The following CGNL1 variants were observed in gnomAD, a reference collection of about 807,000 sequenced individuals.
CGNL1 encodes cingulin like 1, also known as cingulin-like protein 1.
Under a neutral mutation model 141.2 loss-of-function variants are expected in CGNL1, and 132 were observed. The observed-to-expected ratio is 0.93, with a 90% CI of 0.81 to 1.08. The LOEUF (loss-of-function observed/expected upper bound fraction) is 1.08, where lower values mean the gene tolerates loss of function less well. Among genes scored for constraint, CGNL1 ranks in the 50% least tolerant of loss-of-function variants. CGNL1 has a pLI of 0.00. For synonymous variants in CGNL1, 690 were observed against 622.1 expected (o/e 1.11, Z -1.63); for missense variants, 1,870 against 1,588.6 (o/e 1.18, Z -3.01).
At chr15:57,423,066 C>T (rs2062933918) in intron 1 of CGNL1, among the ~76,000 whole-genome samples, 1 of 152,066 alleles carries the variant, frequency 6.6e-6, no homozygotes, top group South Asian at 2.1e-4. Context: ...CTCTTTTTGT[C>T]TGGTTTGGAT....
At chr15:57,523,743 C>G (rs2031427294) in intron 11 of CGNL1, 102 bp downstream of exon 11, 3 of 1,270,076 alleles carry the variant, frequency 2.4e-6, no homozygotes, top group East Asian at 2.3e-5. Context: ...TGCAGTAGGT[C>G]TAAGCACAAA....
intron 1 of CGNL1, among the ~76,000 whole-genome samples, chr15:57,378,981 C>T (rs1459676255): frequency 6.6e-6 from 1 of 152,106 alleles, no homozygotes; most frequent in African/African-American, 2.4e-5. Context: ...TACAGGGTGT[C>T]CCCTGACCCG....
chr15:57,516,927 C>T lies in CGNL1; in HGVS notation c.2551C>T (p.Gln851Ter). 2 of 1,613,576 alleles carry T rather than the reference C, an allele frequency of 1.2e-6. No individual in the cohort carries two copies. The highest frequency in any genetic ancestry group is 1.7e-6 in the Non-Finnish European group (2 of 1,180,010). Residue 851 changes from glutamine (Q) to a stop codon, truncating the protein, a stop_gained, in exon 9 of 19, where the codon CAG becomes TAG. Coordinates refer to ENST00000281282, the MANE Select transcript of CGNL1 (RefSeq NM_032866.5). LOFTEE classifies it high-confidence loss of function. ...LERRVAQLQR[Q>*]IEDLKGDEAK... ...GCGGAGAGTTGCTCAGCTTCAAAGG[C>T]AGATCGAGGACCTGAAAGGCGATGA...
chr15:57,518,428 C>T lies in CGNL1; in HGVS notation c.2646C>T (p.His882=), dbSNP rs35513296. Residue 882 remains histidine, a synonymous_variant, in exon 10 of 19, where the codon CAC becomes CAT. Transcript: ENST00000281282. ...GACAGTTAGAGGAGGCCCTTGTGCA[C>T]GCCAGAAAGGAAGAAAAAGAAGCTG... The part of the protein sequence containing the change: ...EIRQLEEALV[H]ARKEEKEAVS... The T allele has an allele frequency of 8.4e-4, 1,357 of 1,613,234 alleles. 3 individuals are homozygous for T. Among genetic ancestry groups the T allele is most frequent in the African/African-American group, 2.2e-3 (164 of 74,982 alleles).
At position 57,461,898 on chromosome 15, in the gene CGNL1, G is replaced by A; in HGVS notation, c.2403+6G>A. The A allele has an allele frequency of 3.7e-6, 6 of 1,610,400 alleles. No homozygotes were observed. In the South Asian group the frequency reaches 6.6e-5, roughly 18 times the overall value. On this transcript the variant is annotated splice_donor_region_variant and intron_variant, in intron 8 of 18. Coordinates refer to ENST00000281282, the MANE Select transcript of CGNL1 (RefSeq NM_032866.5). ...GTGTGGAAGAAGCAACCAAGGTGAG[G>A]GATGGGGCAGGAGAATCTGGCTTGT...
At chr15:57,494,531 T>C (rs576074446) in intron 8 of CGNL1, among the ~76,000 whole-genome samples, 4 of 152,170 alleles carry the variant, frequency 2.6e-5, no homozygotes, top group East Asian at 3.9e-4. Context: ...GATTAAGCCA[T>C]TAAAAATAGA....
chr15:57,433,404 A>C (rs1237592434), intron 1 of CGNL1, among the ~76,000 whole-genome samples: 1 of 152,208 alleles, frequency 6.6e-6, no homozygotes, highest in Non-Finnish European at 1.5e-5. Context: ...AAAATGTTTA[A>C]ACCTGCAAGA....
At chr15:57,389,041 T>C (rs1416406869) in intron 1 of CGNL1, among the ~76,000 whole-genome samples, 1 of 152,166 alleles carries the variant, frequency 6.6e-6, no homozygotes, top group Non-Finnish European at 1.5e-5. Context: ...TTTTTTCTTT[T>C]TAAATTTAAA....
chr15:57,510,329 C>T (rs1175627490), intron 8 of CGNL1, among the ~76,000 whole-genome samples: 1 of 152,228 alleles, frequency 6.6e-6, no homozygotes, highest in Admixed American at 6.5e-5. Flanking sequence ...TCTGTGAGGC[C>T]AGGTCCAGTG....
intron 1 of CGNL1, among the ~76,000 whole-genome samples, chr15:57,398,032 C>A (rs112322950): frequency 6.6e-6 from 1 of 152,160 alleles, no homozygotes; most frequent in African/African-American, 2.4e-5. Flanking sequence ...GCGCCTGCCT[C>A]AGCTTCCCAA....
chr15:57,507,575 G>T (rs1157780718), intron 8 of CGNL1, among the ~76,000 whole-genome samples: 1 of 152,142 alleles, frequency 6.6e-6, no homozygotes, highest in Admixed American at 6.5e-5. Flanking sequence ...CTATAAGCAA[G>T]AAAATTGCCA....
intron 8 of CGNL1, among the ~76,000 whole-genome samples, chr15:57,499,527 C>T (rs4774947): frequency 6.6e-6 from 1 of 152,052 alleles, no homozygotes; most frequent in East Asian, 1.9e-4. Flanking sequence ...CGTGAGCCAC[C>T]GTACCTGGCC....
chr15:57,516,453 A>C (rs1195825693), intron 8 of CGNL1, among the ~76,000 whole-genome samples: 6 of 152,180 alleles, frequency 3.9e-5, no homozygotes, highest in Admixed American at 3.9e-4. Context: ...TTCTATGAAG[A>C]GCCAGAGAGT....
intron 8 of CGNL1, among the ~76,000 whole-genome samples, chr15:57,499,648 C>G (rs573230804): frequency 1.4e-4 from 21 of 152,242 alleles, no homozygotes; most frequent in African/African-American, 4.8e-4. Flanking sequence ...ACAGTGTGAC[C>G]GGGCCGCAAA....
intron 1 of CGNL1, among the ~76,000 whole-genome samples, chr15:57,382,947 A>G (rs1043359272): frequency 3.5e-4 from 54 of 152,240 alleles, no homozygotes; most frequent in African/African-American, 1.2e-3. Flanking sequence ...AGGTTCTAGT[A>G]TATCTTATGA....
intron 1 of CGNL1, among the ~76,000 whole-genome samples, chr15:57,428,783 T>C (rs573634996): frequency 1.3e-5 from 2 of 152,270 alleles, no homozygotes; most frequent in Non-Finnish European, 1.5e-5. Flanking sequence ...CCAGCACTTT[T>C]GGAGGCCGAG....
rs572598290 is a variant in CGNL1 at position 57,412,769 on chromosome 15, A to G, written c.-15-25216A>G. 4.6e-5 allele frequency among the ~76,000 whole-genome samples: 7 copies of G among 152,160 alleles called. 1 individual carries two copies. The South Asian group carries it at 8.3e-4, about 18-fold the overall frequency. The stretch of plus-strand genomic sequence containing the variant: ...AGTTTAATCTTCTTTTCACATGACA[A>G]CCATTCTGGTATTCATATGTGATGA... On this transcript the variant is annotated intron_variant, in intron 1 of 18. Coordinates refer to ENST00000281282, the MANE Select transcript of CGNL1 (RefSeq NM_032866.5).
At chr15:57,391,970 CT>C (rs1392816723) in intron 1 of CGNL1, among the ~76,000 whole-genome samples, 49 of 75,196 alleles carry the variant, frequency 6.5e-4, no homozygotes, top group South Asian at 3.8e-3. Context: ...TCACATTTTT[CT>C]TTCCCCCCCC....
At chr15:57,428,868 C>A (rs538681755) in intron 1 of CGNL1, among the ~76,000 whole-genome samples, 10 of 152,056 alleles carry the variant, frequency 6.6e-5, no homozygotes, top group Middle Eastern at 6.8e-3. Context: ...ACTAAAAATA[C>A]AAAAATTAGC....
Sources: allele counts gnomAD v4.1 joint callset (sites outside exome capture counted in the v4.1 genomes callset), GRCh38; gene constraint gnomAD v4.1.1; transcripts MANE v1.5; gene names NCBI Gene and HGNC (gene_info 2026-07-23, HGNC 2026-07-21).